MAGI2: variants seen among roughly 807,000 people sequenced by gnomAD.
MAGI2 encodes the protein membrane-associated guanylate kinase, WW and PDZ domain-containing protein 2.
MAGI2 carries 35 observed loss-of-function variants against 133.3 expected under a neutral mutation model. The observed-to-expected ratio is 0.26, with a 90% CI of 0.20 to 0.35. MAGI2 has a LOEUF of 0.35. Among genes scored for constraint, MAGI2 ranks in the 10% least tolerant of loss-of-function variants. The pLI is 1.00. For synonymous variants in MAGI2, 729 were observed against 710.6 expected (o/e 1.03, Z -0.41); for missense variants, 1,636 against 1,863.4 (o/e 0.88, Z 2.25).
At chr7:78,414,143 A>T (rs1798092405) in intron 6 of MAGI2, among the ~76,000 whole-genome samples, 1 of 152,064 alleles carries the variant, frequency 6.6e-6, no homozygotes, top group East Asian at 1.9e-4. Flanking sequence ...TTTATGTCCA[A>T]GAGTATTCAC....
intron 20 of MAGI2, among the ~76,000 whole-genome samples, chr7:78,120,758 T>G (rs1298847572): frequency 6.6e-6 from 1 of 151,750 alleles, no homozygotes; most frequent in Non-Finnish European, 1.5e-5. Context: ...TCCCAGCACT[T>G]TGGGAGGCCG....
rs760955010 is a variant in MAGI2, at chr7:78,466,770, G to C, written c.1045+22991C>G. Among the ~76,000 whole-genome samples, 237 of 152,108 alleles carry C rather than the reference G, an allele frequency of 1.6e-3. 8 individuals carry two copies. Among genetic ancestry groups the C allele is most frequent in the Admixed American group, 3.9e-4 (6 of 15,270 alleles). On this transcript the variant is annotated intron_variant, in intron 6 of 21. Transcript: ENST00000354212. Reference sequence around the variant, plus strand: ...ATTTAATAGACAGGATAATCCTACAGTGTAGACAAGATCATGGCATAGGGT... The same window carrying C: ...ATTTAATAGACAGGATAATCCTACACTGTAGACAAGATCATGGCATAGGGT...
chr7:78,529,726 A>G (rs1797300951), intron 3 of MAGI2, among the ~76,000 whole-genome samples: 1 of 103,574 alleles, frequency 9.7e-6, no homozygotes, highest in African/African-American at 3.7e-5. Flanking sequence ...TGTGTTGGCC[A>G]GGCTGGTCTC....
At chr7:78,263,178 A>C (rs1793678046) in intron 9 of MAGI2, among the ~76,000 whole-genome samples, 1 of 152,164 alleles carries the variant, frequency 6.6e-6, no homozygotes, top group Non-Finnish European at 1.5e-5. Flanking sequence ...GTAGTATTCC[A>C]TGGCATTATA....
intron 1 of MAGI2, among the ~76,000 whole-genome samples, chr7:79,447,175 TA>T (rs1318419848): frequency 6.6e-6 from 1 of 152,168 alleles, no homozygotes; most frequent in African/African-American, 2.4e-5. Flanking sequence ...GACGTAATAA[TA>T]AAAGCAATTT....
chr7:79,336,288 C>A (rs1280825564), intron 1 of MAGI2, among the ~76,000 whole-genome samples: 2 of 152,034 alleles, frequency 1.3e-5, no homozygotes, highest in Non-Finnish European at 2.9e-5. Context: ...TATTAAGAGG[C>A]TCTGACAGGA....
At chr7:78,478,989 A>AGTG (rs1792076453) in intron 6 of MAGI2, among the ~76,000 whole-genome samples, 2 of 151,866 alleles carry the variant, frequency 1.3e-5, no homozygotes, top group Non-Finnish European at 2.9e-5. Context: ...TTAACCTATA[A>AGTG]GTGGTGGCAT....
rs368856869 is a variant in MAGI2, at chr7:79,423,256, A to T, written c.301+29764T>A. Among the ~76,000 whole-genome samples the T allele has an allele frequency of 5.9e-5, 9 of 152,210 alleles. No homozygotes were observed. In the South Asian group the frequency reaches 1.9e-3, roughly 31 times the overall value. ...TATATTTATTATTTGTAAACAGATT[A>T]TCATTTTAATCTTCAACACCACTAG... On this transcript the variant is annotated intron_variant, in intron 1 of 21. Coordinates refer to ENST00000354212, the MANE Select transcript of MAGI2 (RefSeq NM_012301.4).
At chr7:78,695,087 T>A (rs1233611512) in intron 2 of MAGI2, among the ~76,000 whole-genome samples, 1 of 151,936 alleles carries the variant, frequency 6.6e-6, no homozygotes, top group South Asian at 2.1e-4. Flanking sequence ...TAGCTGGGCG[T>A]GGTGGCGGGT....
At chr7:78,142,115 A>G (rs1408412586) in intron 16 of MAGI2, among the ~76,000 whole-genome samples, 2 of 152,168 alleles carry the variant, frequency 1.3e-5, no homozygotes, top group African/African-American at 4.8e-5. Context: ...CAGGGGTCAC[A>G]TGGCTAGCTT....
At chr7:78,426,984 G>T (rs932833282) in intron 6 of MAGI2, among the ~76,000 whole-genome samples, 1 of 152,132 alleles carries the variant, frequency 6.6e-6, no homozygotes, top group Non-Finnish European at 1.5e-5. Context: ...CATGTGGGTG[G>T]CAAGTAGAAC....
At position 78,927,839 on chromosome 7, in the gene MAGI2, A is replaced by T. The variant is rs189494635; in HGVS notation, c.418+79251T>A. Among the ~76,000 whole-genome samples the T allele has an allele frequency of 1.1e-4, 16 of 152,028 alleles. No homozygotes were observed. The East Asian group carries it at 3.1e-3, about 29-fold the overall frequency. ...GTGATTTTCAAAAATTAAATTTTCC[A>T]ATGTGTTCAAGTGATAAGGAAGTTT... On this transcript the variant is annotated intron_variant, in intron 2 of 21. Coordinates refer to ENST00000354212, the MANE Select transcript of MAGI2 (RefSeq NM_012301.4).
At chr7:79,386,863 G>A (rs181171409) in intron 1 of MAGI2, among the ~76,000 whole-genome samples, 60 of 151,990 alleles carry the variant, frequency 3.9e-4, no homozygotes, top group Non-Finnish European at 1.5e-5. Context: ...GGCTGTTTTG[G>A]CACTTCAGCC....
chr7:78,450,950 G>A (rs927236295), intron 6 of MAGI2, among the ~76,000 whole-genome samples: 12 of 151,888 alleles, frequency 7.9e-5, no homozygotes, highest in Non-Finnish European at 5.9e-5. Flanking sequence ...TTGTAATAGC[G>A]ATATGATTTT....
chr7:78,919,009 A>C (rs1353144426), intron 2 of MAGI2, among the ~76,000 whole-genome samples: 1 of 152,170 alleles, frequency 6.6e-6, no homozygotes, highest in Non-Finnish European at 1.5e-5. Flanking sequence ...ATTCTGATGC[A>C]ATAGTTGTCC....
chr7:78,166,325 A>G (rs1046665794), intron 15 of MAGI2, among the ~76,000 whole-genome samples: 3 of 152,320 alleles, frequency 2.0e-5, no homozygotes, highest in Admixed American at 6.5e-5. Flanking sequence ...ATTTATCTTT[A>G]GGTTATAGAA....
At chr7:78,106,305 C>A (rs1415679799) in intron 20 of MAGI2, among the ~76,000 whole-genome samples, 1 of 151,962 alleles carries the variant, frequency 6.6e-6, no homozygotes, top group African/African-American at 2.4e-5. Flanking sequence ...TTGTGAATAC[C>A]ACTGTAATAA....
intron 7 of MAGI2, among the ~76,000 whole-genome samples, chr7:78,366,278 T>C (rs559603285): frequency 6.6e-6 from 1 of 152,180 alleles, no homozygotes; most frequent in Non-Finnish European, 1.5e-5. Flanking sequence ...ATGCTATCAC[T>C]ATAATTATGA....
At chr7:78,180,540 A>G (rs1399078930) in intron 13 of MAGI2, among the ~76,000 whole-genome samples, 1 of 152,212 alleles carries the variant, frequency 6.6e-6, no homozygotes, top group Admixed American at 6.5e-5. Flanking sequence ...TTTAGCAAGT[A>G]AATTTTATTG....
Sources: allele counts gnomAD v4.1 joint callset (sites outside exome capture counted in the v4.1 genomes callset), GRCh38; gene constraint gnomAD v4.1.1; transcripts MANE v1.5; gene names NCBI Gene and HGNC (gene_info 2026-07-23, HGNC 2026-07-21).